The following RHOJ variants were observed in gnomAD, a reference collection of about 807,000 sequenced individuals.
RHOJ encodes ras homolog family member J.
In RHOJ, 11 loss-of-function variants were observed where a neutral mutation model predicts 23.4. That is an observed-to-expected ratio of 0.47 (90% CI 0.30 to 0.78). The LOEUF (loss-of-function observed/expected upper bound fraction) is 0.78. Among genes scored for constraint, RHOJ ranks in the 30% least tolerant of loss-of-function variants. The pLI is 0.08. For synonymous variants in RHOJ, 102 were observed against 102.7 expected (o/e 0.99, Z 0.04); for missense variants, 254 against 273.4 (o/e 0.93, Z 0.50).
At chr14:63,261,428 CT>C (rs1245508289) in intron 1 of RHOJ, among the ~76,000 whole-genome samples, 2 of 150,300 alleles carry the variant, frequency 1.3e-5, no homozygotes, top group Admixed American at 6.6e-5. Context: ...TGCCTTTTTT[CT>C]TTTTTTTCCT....
chr14:63,284,288 C>T (rs1882008423), intron 4 of RHOJ: 1 of 984,576 alleles, frequency 1.0e-6, no homozygotes. Context: ...GCATGAGAAC[C>T]TCTCACAACA....
intron 1 of RHOJ, among the ~76,000 whole-genome samples, chr14:63,259,535 A>G (rs1190709311): frequency 6.6e-6 from 1 of 152,216 alleles, no homozygotes; most frequent in Non-Finnish European, 1.5e-5. Flanking sequence ...AACAATTAGG[A>G]AAAATATGTG....
chr14:63,290,704 T>C (rs1049209646), intron 4 of RHOJ, among the ~76,000 whole-genome samples, 174 bp from the exon 5 acceptor site: 1 of 132,214 alleles, frequency 7.6e-6, no homozygotes, highest in African/African-American at 2.8e-5. Context: ...AAAAATAGGA[T>C]AGCAGATACA....
At chr14:63,228,440 C>A (rs768118259) in intron 1 of RHOJ, among the ~76,000 whole-genome samples, 1 of 152,060 alleles carries the variant, frequency 6.6e-6, no homozygotes, top group South Asian at 2.1e-4. Context: ...TGGAAATAAT[C>A]CAACTATCTA....
intron 2 of RHOJ, among the ~76,000 whole-genome samples, chr14:63,278,579 T>G (rs942711119): frequency 1.3e-5 from 2 of 152,206 alleles, no homozygotes; most frequent in Non-Finnish European, 2.9e-5. Flanking sequence ...AGGTTGATAT[T>G]AAAAATATAT....
chr14:63,216,276 AACTT>A (rs539089778), intron 1 of RHOJ, among the ~76,000 whole-genome samples: 5 of 152,294 alleles, frequency 3.3e-5, no homozygotes, highest in Admixed American at 3.3e-4. Context: ...CAAAGGGAAA[AACTT>A]AATTACTTGA....
At chr14:63,230,844 T>TTTTTG in intron 1 of RHOJ, among the ~76,000 whole-genome samples, 1 of 145,744 alleles carries the variant, frequency 6.9e-6, no homozygotes, top group East Asian at 2.0e-4. Flanking sequence ...TACAAGGCTT[T>TTTTTG]TTTTTTTTTT....
chr14:63,242,835 C>G (rs918708364), intron 1 of RHOJ, among the ~76,000 whole-genome samples: 1 of 152,074 alleles, frequency 6.6e-6, no homozygotes, highest in Non-Finnish European at 1.5e-5. Flanking sequence ...GACGGTAGTT[C>G]AAAGATGTAA....
intron 1 of RHOJ, among the ~76,000 whole-genome samples, chr14:63,235,374 A>T (rs1894770740): frequency 6.6e-6 from 1 of 152,194 alleles, no homozygotes; most frequent in African/African-American, 2.4e-5. Context: ...AGTGATTTAG[A>T]TTACATTAAG....
At chr14:63,265,137 T>C (rs931142851) in intron 1 of RHOJ, among the ~76,000 whole-genome samples, 2 of 152,236 alleles carry the variant, frequency 1.3e-5, no homozygotes, top group Admixed American at 1.3e-4. Context: ...CTAGGTTTTA[T>C]TCTAGAATTC....
intron 1 of RHOJ, among the ~76,000 whole-genome samples, chr14:63,243,416 T>C (rs1185599512): frequency 6.6e-6 from 1 of 152,218 alleles, no homozygotes; most frequent in Non-Finnish European, 1.5e-5. Context: ...CTCAGCTCAC[T>C]GCAACCTCCA....
intron 1 of RHOJ, among the ~76,000 whole-genome samples, chr14:63,209,410 A>T (rs1299842321): frequency 6.6e-6 from 1 of 152,090 alleles, no homozygotes; most frequent in Non-Finnish European, 1.5e-5. Flanking sequence ...CACACTCACC[A>T]TCTTGTTATT....
intron 1 of RHOJ, among the ~76,000 whole-genome samples, chr14:63,240,118 G>T (rs1003958357): frequency 7.9e-5 from 12 of 152,174 alleles, no homozygotes; most frequent in African/African-American, 2.9e-4. Context: ...GGGCCTTTGA[G>T]AAAACCCTTA....
chr14:63,222,763 C>T lies in RHOJ; in HGVS notation c.178+17716C>T, dbSNP rs866875393. On this transcript the variant is annotated intron_variant, in intron 1 of 4. Transcript: ENST00000316754. The stretch of plus-strand genomic sequence containing the variant: ...TGAGTAGATTGCAAAAATTTTCTCC[C>T]ATTCTGTAGGTTGCCTGTTCACTCT... 3.9e-5 allele frequency among the ~76,000 whole-genome samples: 6 copies of T among 152,212 alleles called. No homozygotes were observed. The Middle Eastern group carries it at 0.01, about 259-fold the overall frequency.
intron 2 of RHOJ, among the ~76,000 whole-genome samples, chr14:63,270,534 C>T (rs1051012112): frequency 1.3e-5 from 2 of 152,106 alleles, no homozygotes; most frequent in African/African-American, 4.8e-5. Flanking sequence ...AATCATTTGC[C>T]CCTCTGATCT....
Position 63,233,288 on chromosome 14 carries a change from A to T in RHOJ, c.178+28241A>T, listed in dbSNP as rs532258303. Among the ~76,000 whole-genome samples the T allele has an allele frequency of 9.2e-5, 14 of 152,312 alleles. No individual in the cohort carries two copies. In the South Asian group the frequency reaches 2.9e-3, roughly 32 times the overall value. On this transcript the variant is annotated intron_variant, in intron 1 of 4. Transcript: ENST00000316754. ...GTTTTCAGGGACTGTGAAAGGGCTG[A>T]ATGGGGAGTAACTGCTCTTGGGTAC...
intron 1 of RHOJ, among the ~76,000 whole-genome samples, chr14:63,218,238 C>T (rs1894408732): frequency 6.6e-6 from 1 of 152,144 alleles, no homozygotes; most frequent in African/African-American, 2.4e-5. Context: ...ATTAGAAATG[C>T]CTATGAAGCT....
intron 1 of RHOJ, among the ~76,000 whole-genome samples, chr14:63,210,951 C>T (rs79800327): frequency 2.0e-5 from 3 of 152,132 alleles, no homozygotes; most frequent in Admixed American, 2.0e-4. Context: ...TTTGGAAAAC[C>T]ACATGAAGCC....
chr14:63,288,934 C>A (rs1882166252), intron 4 of RHOJ, among the ~76,000 whole-genome samples: 1 of 152,160 alleles, frequency 6.6e-6, no homozygotes, highest in South Asian at 2.1e-4. Context: ...CAGCTTCTTG[C>A]AGAGCTGAGT....
Sources: allele counts gnomAD v4.1 joint callset (sites outside exome capture counted in the v4.1 genomes callset), GRCh38; gene constraint gnomAD v4.1.1; transcripts MANE v1.5; gene names NCBI Gene and HGNC (gene_info 2026-07-23, HGNC 2026-07-21).